The following SUPT3H variants were observed in gnomAD, a reference collection of about 807,000 sequenced individuals.
SUPT3H encodes the protein SPT3 homolog, SAGA and STAGA complex component, also known as transcription initiation protein SPT3 homolog.
SUPT3H carries 44 observed loss-of-function variants against 44.3 expected under a neutral mutation model. The ratio of observed to expected loss-of-function variants is 0.99; its 90% CI spans 0.78 to 1.28. The LOEUF (loss-of-function observed/expected upper bound fraction) is 1.28, where lower values mean the gene tolerates loss of function less well. SUPT3H is among the 50% of genes most tolerant of loss of function. SUPT3H has a pLI of 0.00. For missense variants in SUPT3H, 380 were observed against 387.1 expected, an observed-to-expected ratio of 0.98 and a Z score of 0.15; for synonymous variants, 124 against 125.6, an observed-to-expected ratio of 0.99 and a Z score of 0.09.
chr6:45,113,134 T>G (rs1800324024), intron 2 of SUPT3H, among the ~76,000 whole-genome samples: 1 of 152,004 alleles, frequency 6.6e-6, no homozygotes, highest in Non-Finnish European at 1.5e-5. Flanking sequence ...AAGCATTTTT[T>G]GATTACACTT....
intron 1 of SUPT3H, among the ~76,000 whole-genome samples, chr6:45,370,668 G>A (rs1347695896): frequency 6.6e-6 from 1 of 152,050 alleles, no homozygotes; most frequent in Non-Finnish European, 1.5e-5. Flanking sequence ...AAAAAAATCT[G>A]AATTGAAAAT....
At chr6:45,129,847 G>T (rs915567061) in intron 2 of SUPT3H, among the ~76,000 whole-genome samples, 1 of 151,888 alleles carries the variant, frequency 6.6e-6, no homozygotes, top group Non-Finnish European at 1.5e-5. Context: ...CTTAGGAAAG[G>T]ATGGAGAGGA....
chr6:44,849,723 T>C (rs1427601990), intron 10 of SUPT3H, among the ~76,000 whole-genome samples: 6 of 152,136 alleles, frequency 3.9e-5, no homozygotes, highest in South Asian at 2.1e-4. Flanking sequence ...TAACTAAATA[T>C]GTGCAGGAGA....
At chr6:45,232,881 C>T (rs183963301) in intron 2 of SUPT3H, among the ~76,000 whole-genome samples, 9 of 152,230 alleles carry the variant, frequency 5.9e-5, no homozygotes, top group Admixed American at 4.6e-4. Flanking sequence ...CCCTCCAGTT[C>T]GCCTGCCCCA....
intron 9 of SUPT3H, among the ~76,000 whole-genome samples, chr6:44,941,731 A>G (rs1442320922): frequency 2.0e-5 from 3 of 152,172 alleles, no homozygotes; most frequent in Non-Finnish European, 4.4e-5. Context: ...GGCTACAACA[A>G]TAGTATTACA....
chr6:45,265,221 T>C (rs77143937), intron 2 of SUPT3H, among the ~76,000 whole-genome samples: 2,659 of 152,292 alleles, frequency 0.017, 48 homozygotes, highest in South Asian at 0.084. Context: ...TCCTCAATTT[T>C]AATAAAACCG....
At chr6:44,997,317 T>C (rs1333688969) in intron 6 of SUPT3H, among the ~76,000 whole-genome samples, 1 of 151,858 alleles carries the variant, frequency 6.6e-6, no homozygotes, top group Non-Finnish European at 1.5e-5. Context: ...CTTTTTCATT[T>C]ATACACTCAT....
intron 11 of SUPT3H, among the ~76,000 whole-genome samples, chr6:44,818,648 A>G (rs1767067228): frequency 6.6e-6 from 1 of 152,226 alleles, no homozygotes; most frequent in African/African-American, 2.4e-5. Flanking sequence ...AGATGTGAAT[A>G]AACACTTCAA....
intron 2 of SUPT3H, among the ~76,000 whole-genome samples, chr6:45,211,188 A>C (rs1287837997): frequency 6.6e-6 from 1 of 152,198 alleles, no homozygotes; most frequent in Non-Finnish European, 1.5e-5. Context: ...ACAAGCAAAT[A>C]CTTACATGGT....
rs77513618 is a variant in SUPT3H at position 44,905,406 on chromosome 6, G to A, written c.912+27247C>T. On this transcript the variant is annotated intron_variant, in intron 10 of 10. Coordinates refer to ENST00000371459, the MANE Select transcript of SUPT3H (RefSeq NM_003599.4). Reference sequence around the variant, plus strand: ...AAAGAAGACATTTATGCAGCCGAAAGACACATGAAAAAATGCTCATCATCA... The same window carrying A: ...AAAGAAGACATTTATGCAGCCGAAAAACACATGAAAAAATGCTCATCATCA... Among the ~76,000 whole-genome samples the A allele has an allele frequency of 2.0e-5, 3 of 149,482 alleles. No individual in the cohort carries two copies. In the South Asian group the frequency reaches 6.4e-4, roughly 32 times the overall value.
At chr6:45,318,168 A>G (rs574259293) in intron 2 of SUPT3H, among the ~76,000 whole-genome samples, 2 of 152,262 alleles carry the variant, frequency 1.3e-5, no homozygotes, top group East Asian at 3.9e-4. Context: ...TGGTTAAGAT[A>G]GTAAATTTAT....
chr6:45,124,636 CAA>C (rs66849102), intron 2 of SUPT3H, among the ~76,000 whole-genome samples: 116 of 139,264 alleles, frequency 8.3e-4, no homozygotes, highest in Non-Finnish European at 9.8e-4. Context: ...GACTCCATCT[CAA>C]AAAAAAAAAA....
At chr6:44,832,523 C>CTACT (rs1188524905) in intron 10 of SUPT3H, among the ~76,000 whole-genome samples, 1 of 152,152 alleles carries the variant, frequency 6.6e-6, no homozygotes. Context: ...TGCCTATATA[C>CTACT]TACTTAAGGT....
intron 10 of SUPT3H, among the ~76,000 whole-genome samples, chr6:44,913,291 T>C (rs1767334902): frequency 6.6e-6 from 1 of 152,154 alleles, no homozygotes; most frequent in African/African-American, 2.4e-5. Context: ...GAAAGCAGAG[T>C]CACAGCATGC....
At chr6:44,963,912 C>T (rs2153478967) in intron 6 of SUPT3H, among the ~76,000 whole-genome samples, 1 of 150,726 alleles carries the variant, frequency 6.6e-6, no homozygotes, top group Non-Finnish European at 1.5e-5. Context: ...GCAGGAGAAT[C>T]GCTTGAACTC....
intron 2 of SUPT3H, among the ~76,000 whole-genome samples, chr6:45,135,533 C>G (rs776158849): frequency 2.0e-5 from 3 of 152,226 alleles, no homozygotes; most frequent in African/African-American, 7.2e-5. Context: ...CCTAGTTCAT[C>G]ACTCTTAAAT....
At chr6:44,959,837 G>GT (rs771877541) in intron 7 of SUPT3H, among the ~76,000 whole-genome samples, 1 of 152,134 alleles carries the variant, frequency 6.6e-6, no homozygotes, top group Non-Finnish European at 1.5e-5. Flanking sequence ...CACAATTCCT[G>GT]TATCTTGGTA....
chr6:45,032,045 T>G (rs954891590), intron 3 of SUPT3H, among the ~76,000 whole-genome samples: 22 of 152,320 alleles, frequency 1.4e-4, no homozygotes, highest in African/African-American at 5.3e-4. Context: ...CTAATTAATA[T>G]GTAAAAGACA....
rs1396121900 is a variant in SUPT3H, at chr6:45,095,390, T to C, written c.186+10532A>G. ...TGGTGATGAGGACAGAACAGAGCTT[T>C]GCATGAACTGCTTCTACCAGGGAAA... On this transcript the variant is annotated intron_variant, in intron 3 of 10. Coordinates refer to ENST00000371459, the MANE Select transcript of SUPT3H (RefSeq NM_003599.4). The surrounding 1 kb of genome is among the most constrained non-coding windows in gnomAD (Gnocchi z 4.1). Among the ~76,000 whole-genome samples, 1 of 152,144 alleles carries C rather than the reference T, an allele frequency of 6.6e-6. No homozygotes were observed. Among genetic ancestry groups the C allele is most frequent in the African/African-American group, 2.4e-5 (1 of 41,442 alleles).
Sources: gnomAD v4.1 joint callset for allele counts (sites outside exome capture counted in the v4.1 genomes callset) on GRCh38, gnomAD v4.1.1 for gene constraint, Gnocchi (gnomAD v3.1) non-coding constraint, MANE v1.5 for transcripts, NCBI Gene and HGNC (gene_info 2026-07-23, HGNC 2026-07-21) for gene names.